The following ANKRD17 variants were observed in gnomAD, a reference collection of about 807,000 sequenced individuals.
ANKRD17 encodes ankyrin repeat domain-containing protein 17.
In ANKRD17, 19 loss-of-function variants were observed where a neutral mutation model predicts 229.7. That is an observed-to-expected ratio of 0.08 (90% confidence interval 0.06 to 0.12). ANKRD17 has a LOEUF of 0.12. ANKRD17 is among the 10% of genes least tolerant of loss of function. ANKRD17 has a pLI of 1.00. For missense variants in ANKRD17, 2,176 were observed against 3,176.8 expected (o/e 0.68, Z 7.57); for synonymous variants, 1,112 against 1,146.1 (o/e 0.97, Z 0.60).
chr4:73,109,926 A>G (rs2148645471), intron 24 of ANKRD17, among the ~76,000 whole-genome samples: 1 of 151,492 alleles, frequency 6.6e-6, no homozygotes, highest in South Asian at 2.1e-4. Flanking sequence ...AGAAAGCAAT[A>G]ATCAGAGAAT....
In ANKRD17 at chr4:73,090,817, C is replaced by T. The variant is rs759248178; in HGVS notation, c.6811G>A (p.Gly2271Arg). Residue 2271 changes from glycine (G) to arginine (R), a missense_variant, in exon 29 of 34, where the codon GGA becomes AGA. This residue lies in a region of ANKRD17 where 424 missense variants were observed against 454.0 expected (regional missense o/e 0.93). Coordinates refer to ENST00000358602, the MANE Select transcript of ANKRD17 (RefSeq NM_032217.5). ...SPTSAHAFWG[G>R]SVVSSQSTPE... ...GTTGACTGAGATGAAACAACAGATC[C>T]TCCCCAGAAGGCATGAGCAGAAGTA... The T allele has an allele frequency of 8.1e-6, 13 of 1,614,158 alleles. 1 individual carries two copies. The South Asian group carries it at 1.4e-4, about 18-fold the overall frequency.
chr4:73,168,264 G>A (rs1038319731), intron 2 of ANKRD17, among the ~76,000 whole-genome samples: 1 of 152,130 alleles, frequency 6.6e-6, no homozygotes, highest in South Asian at 2.1e-4. Context: ...TACATGCATT[G>A]CATGTATAAT....
chr4:73,181,145 T>G (rs1393000344), intron 1 of ANKRD17, among the ~76,000 whole-genome samples: 1 of 152,170 alleles, frequency 6.6e-6, no homozygotes, highest in African/African-American at 2.4e-5. Flanking sequence ...TAAAGGTATA[T>G]TTTATAGATC....
chr4:73,109,531 C>T (rs1349607825), intron 24 of ANKRD17, among the ~76,000 whole-genome samples: 1 of 151,948 alleles, frequency 6.6e-6, no homozygotes, highest in Non-Finnish European at 1.5e-5. Flanking sequence ...TGCAAGGTCA[C>T]CTACTGAAGG....
chr4:73,115,877 T>C lies in ANKRD17; in HGVS notation c.4228A>G (p.Asn1410Asp). The change falls in exon 23 of 34, where the codon AAT (asparagine) becomes GAT (aspartate). Residue 1410 changes from asparagine to aspartate, a missense_variant. Physicochemically the swap from Asn to Asp is conservative, Grantham distance 23 (BLOSUM62 1). Around this residue, in one of 18 missense-constraint regions of ANKRD17, gnomAD observed 178 missense variants for 421.7 expected, o/e 0.42. Transcript: ENST00000358602. Reference protein sequence around the residue: ...KVVRYLVKEVNQFPSDSECMR... With the variant: ...KVVRYLVKEVDQFPSDSECMR... ...CATTCAGAATCTGATGGAAACTGAT[T>C]GACTTCTTTGACTAAGTAGCGCACC... 2 of 1,613,710 alleles carry C rather than the reference T, an allele frequency of 1.2e-6. No individual in the cohort carries two copies. Among genetic ancestry groups the C allele is most frequent in the Non-Finnish European group, 8.5e-7 (1 of 1,179,956 alleles).
chr4:73,245,339 T>C (rs189164697), intron 1 of ANKRD17, among the ~76,000 whole-genome samples: 66 of 152,304 alleles, frequency 4.3e-4, no homozygotes, highest in African/African-American at 1.6e-3. Context: ...GTAATTGAAG[T>C]TCCTAATCAA....
intron 6 of ANKRD17, among the ~76,000 whole-genome samples, chr4:73,152,125 TAA>T (rs1731072771): frequency 6.6e-6 from 1 of 152,078 alleles, no homozygotes; most frequent in African/African-American, 2.4e-5. Flanking sequence ...TACAAGTGGT[TAA>T]AAAGCAGACG....
At chr4:73,238,669 G>C (rs1489806215) in intron 1 of ANKRD17, among the ~76,000 whole-genome samples, 2 of 152,026 alleles carry the variant, frequency 1.3e-5, no homozygotes, top group African/African-American at 4.8e-5. Flanking sequence ...GAGTAAGACG[G>C]TATTCATACA....
intron 18 of ANKRD17, among the ~76,000 whole-genome samples, chr4:73,124,647 A>G (rs1727201486): frequency 6.6e-6 from 1 of 152,160 alleles, no homozygotes; most frequent in East Asian, 1.9e-4. Context: ...GAACTTACTG[A>G]TTTGACTTGG....
intron 1 of ANKRD17, among the ~76,000 whole-genome samples, chr4:73,191,341 A>ATATGTGTGTGTG (rs1553933228): frequency 7.5e-4 from 94 of 125,280 alleles, no homozygotes; most frequent in East Asian, 2.7e-3. Flanking sequence ...AAAAATATAT[A>ATATGTGTGTGTG]TGTGTGTGTG....
At chr4:73,187,290 C>A (rs1736428504) in intron 1 of ANKRD17, among the ~76,000 whole-genome samples, 1 of 152,098 alleles carries the variant, frequency 6.6e-6, no homozygotes, top group South Asian at 2.1e-4. Context: ...AAAAACCCAT[C>A]CAAGAAAGGG....
chr4:73,118,149 T>C (rs1422888869), intron 22 of ANKRD17, among the ~76,000 whole-genome samples: 2 of 152,132 alleles, frequency 1.3e-5, no homozygotes, highest in African/African-American at 4.8e-5. Context: ...CCTGAGTAGC[T>C]GGGACTATTA....
At chr4:73,199,100 G>A (rs981082555) in intron 1 of ANKRD17, among the ~76,000 whole-genome samples, 1 of 152,026 alleles carries the variant, frequency 6.6e-6, no homozygotes, top group Non-Finnish European at 1.5e-5. Flanking sequence ...TCAAGATTAT[G>A]AAGACAAGAC....
In ANKRD17 at chr4:73,076,264, G is replaced by A. The variant is rs1720990142; in HGVS notation, c.7779C>T (p.His2593=). The part of the protein sequence containing the change: ...QTVWTGPWAP[H]MNSVHMNQLG ...GCTGGTTCATATGCACACTGTTCAT[G>A]TGAGGTGCCCAGGGTCCAGTCCACA... Residue 2593 remains histidine (H), a synonymous_variant, in exon 34 of 34, where the codon CAC becomes CAT. Coordinates refer to ENST00000358602, the MANE Select transcript of ANKRD17 (RefSeq NM_032217.5). The A allele has an allele frequency of 6.2e-7, 1 of 1,611,374 alleles. No homozygotes were observed. Among genetic ancestry groups the A allele is most frequent in the African/African-American group, 1.3e-5 (1 of 74,710 alleles).
intron 1 of ANKRD17, among the ~76,000 whole-genome samples, chr4:73,243,517 T>A (rs1425238811): frequency 6.6e-6 from 1 of 152,164 alleles, no homozygotes; most frequent in African/African-American, 2.4e-5. Flanking sequence ...AAACAAAGCA[T>A]CTTTTTCCTT....
At chr4:73,216,881 A>C (rs536544385) in intron 1 of ANKRD17, among the ~76,000 whole-genome samples, 1 of 152,350 alleles carries the variant, frequency 6.6e-6, no homozygotes, top group South Asian at 2.1e-4. Flanking sequence ...CCTCATAGGC[A>C]TTTAACAATT....
In ANKRD17 at chr4:73,102,361, G is replaced by T; in HGVS notation, c.4573+15C>A. 6.4e-7 allele frequency: 1 copy of T among 1,573,712 alleles called. No homozygotes were observed. The highest frequency in any genetic ancestry group is 8.6e-7 in the Non-Finnish European group (1 of 1,169,314). ...AGAATATAAAACAAATGGGATGGTT[G>T]TTAAGAGAAAATACCTTCAACTTTA... On this transcript the variant is annotated intron_variant, in intron 25 of 33. Coordinates refer to ENST00000358602, the MANE Select transcript of ANKRD17 (RefSeq NM_032217.5).
At chr4:73,234,078 A>G (rs1743301983) in intron 1 of ANKRD17, among the ~76,000 whole-genome samples, 1 of 152,070 alleles carries the variant, frequency 6.6e-6, no homozygotes, top group Non-Finnish European at 1.5e-5. Context: ...TCTTGCTCTG[A>G]GAACTCATAC....
chr4:73,206,156 A>T (rs989957175), intron 1 of ANKRD17, among the ~76,000 whole-genome samples: 1 of 152,210 alleles, frequency 6.6e-6, no homozygotes, highest in Non-Finnish European at 1.5e-5. Flanking sequence ...TAATATAGCC[A>T]TTATGGAAAA....
Sources: allele counts gnomAD v4.1 joint callset (sites outside exome capture counted in the v4.1 genomes callset), GRCh38; gene constraint gnomAD v4.1.1; regional missense constraint gnomAD v4.1.1; transcripts MANE v1.5; gene names NCBI Gene and HGNC (gene_info 2026-07-23, HGNC 2026-07-21).